KCNK13: variants seen among roughly 807,000 people sequenced by gnomAD.
The protein encoded by KCNK13 is potassium two pore domain channel subfamily K member 13.
A neutral mutation model predicts 23.4 loss-of-function variants in KCNK13; 12 were observed. The observed-to-expected ratio is 0.51, with a 90% CI of 0.33 to 0.83. KCNK13 has a LOEUF of 0.83. Ranked by LOEUF, KCNK13 falls within the 40% of genes least tolerant of loss-of-function variation. The pLI is 0.02. For missense variants in KCNK13, 463 were observed against 556.3 expected, an observed-to-expected ratio of 0.83 and a Z score of 1.69; for synonymous variants, 231 against 229.5, an observed-to-expected ratio of 1.01 and a Z score of -0.06.
chr14:90,157,291 A>T (rs185481289), intron 1 of KCNK13, among the ~76,000 whole-genome samples: 108 of 152,348 alleles, frequency 7.1e-4, no homozygotes, highest in African/African-American at 2.5e-3. Flanking sequence ...TTCATTCTGG[A>T]TAAAAATCTG....
chr14:90,082,283 T>A (rs112179904), intron 1 of KCNK13, among the ~76,000 whole-genome samples: 3 of 151,714 alleles, frequency 2.0e-5, no homozygotes, highest in Admixed American at 6.6e-5. Context: ...CAGGCTGGTC[T>A]TGAACTCCTG....
chr14:90,075,570 C>T (rs1889124755), intron 1 of KCNK13, among the ~76,000 whole-genome samples: 1 of 152,174 alleles, frequency 6.6e-6, no homozygotes, highest in Admixed American at 6.5e-5. Flanking sequence ...TCTCCACCTC[C>T]CAGTTTCCAG....
chr14:90,164,170 G>T (rs979591753), intron 1 of KCNK13, among the ~76,000 whole-genome samples: 1 of 152,120 alleles, frequency 6.6e-6, no homozygotes, highest in Non-Finnish European at 1.5e-5. Flanking sequence ...CAATATTTTT[G>T]AACTTTTCCT....
At chr14:90,159,508 AGGAGG>A (rs1890229264) in intron 1 of KCNK13, among the ~76,000 whole-genome samples, 1 of 152,218 alleles carries the variant, frequency 6.6e-6, no homozygotes, top group Non-Finnish European at 1.5e-5. Flanking sequence ...TTCCAGCTGC[AGGAGG>A]GCAAAGGTGT....
intron 1 of KCNK13, among the ~76,000 whole-genome samples, chr14:90,173,399 A>G (rs1442201500): frequency 6.6e-6 from 1 of 152,174 alleles, no homozygotes; most frequent in African/African-American, 2.4e-5. Flanking sequence ...CTGAAGCTCA[A>G]ACTTTGATGA....
chr14:90,102,799 A>G (rs941644900), intron 1 of KCNK13, among the ~76,000 whole-genome samples: 1 of 152,116 alleles, frequency 6.6e-6, no homozygotes, highest in African/African-American at 2.4e-5. Context: ...AGTTCTGTTA[A>G]CATTCTGGGA....
At chr14:90,138,662 C>G (rs962745568) in intron 1 of KCNK13, among the ~76,000 whole-genome samples, 1 of 152,222 alleles carries the variant, frequency 6.6e-6, no homozygotes, top group African/African-American at 2.4e-5. Context: ...CATAGGATCT[C>G]TGAGATCTCA....
chr14:90,161,410 A>C (rs1196625941), intron 1 of KCNK13, among the ~76,000 whole-genome samples: 2 of 152,216 alleles, frequency 1.3e-5, no homozygotes, highest in Non-Finnish European at 2.9e-5. Flanking sequence ...CTGCTACTGA[A>C]CTATACATTT....
chr14:90,174,086 C>T (rs1044462997), intron 1 of KCNK13, among the ~76,000 whole-genome samples: 3 of 152,026 alleles, frequency 2.0e-5, no homozygotes, highest in African/African-American at 7.2e-5. Flanking sequence ...GCGGGCGGAT[C>T]ATGAGGTCAG....
At chr14:90,064,293 T>C (rs552127084) in intron 1 of KCNK13, among the ~76,000 whole-genome samples, 2 of 151,092 alleles carry the variant, frequency 1.3e-5, no homozygotes, top group East Asian at 3.9e-4. Flanking sequence ...GGAGATTTGA[T>C]GGCTGAATCT....
At chr14:90,089,866 G>C (rs374825940) in intron 1 of KCNK13, among the ~76,000 whole-genome samples, 1 of 152,238 alleles carries the variant, frequency 6.6e-6, no homozygotes, top group African/African-American at 2.4e-5. Flanking sequence ...GGTAGCTTCC[G>C]TGTGGTGTTG....
intron 1 of KCNK13, among the ~76,000 whole-genome samples, chr14:90,177,050 A>G (rs1281453180): frequency 6.6e-6 from 1 of 151,974 alleles, no homozygotes; most frequent in South Asian, 2.1e-4. Flanking sequence ...ACAAGAATTA[A>G]CCAGGTGTGG....
At chr14:90,092,165 G>A (rs552691179) in intron 1 of KCNK13, among the ~76,000 whole-genome samples, 1 of 152,120 alleles carries the variant, frequency 6.6e-6, no homozygotes, top group African/African-American at 2.4e-5. Flanking sequence ...CTCGTGATCT[G>A]CCCGCCTTGG....
At chr14:90,171,727 T>C (rs1263669730) in intron 1 of KCNK13, among the ~76,000 whole-genome samples, 1 of 152,202 alleles carries the variant, frequency 6.6e-6, no homozygotes, top group Non-Finnish European at 1.5e-5. Flanking sequence ...TTCTTTTGAG[T>C]TTCCGATTAG....
intron 1 of KCNK13, among the ~76,000 whole-genome samples, chr14:90,080,528 G>A (rs1275844829): frequency 6.6e-6 from 1 of 152,118 alleles, no homozygotes; most frequent in Non-Finnish European, 1.5e-5. Flanking sequence ...GTTAGGACTA[G>A]AGGTTCCAGA....
At chr14:90,092,130 G>C (rs1244208502) in intron 1 of KCNK13, among the ~76,000 whole-genome samples, 1 of 152,080 alleles carries the variant, frequency 6.6e-6, no homozygotes, top group Non-Finnish European at 1.5e-5. Context: ...CACCATGTTA[G>C]CCAGGATGGT....
intron 1 of KCNK13, among the ~76,000 whole-genome samples, chr14:90,115,661 G>A (rs1198376423): frequency 2.0e-5 from 3 of 152,122 alleles, no homozygotes; most frequent in East Asian, 3.8e-4. Flanking sequence ...TTACATAAAT[G>A]AACATGGATG....
chr14:90,087,117 CATATATATATACATATATATATAT>C (rs1403987671), intron 1 of KCNK13, among the ~76,000 whole-genome samples: 1 of 125,680 alleles, frequency 8.0e-6, no homozygotes, highest in Non-Finnish European at 1.6e-5. Flanking sequence ...TATATATATA[CATATATATATACATATATATATAT>C]ATATATATAT....
In KCNK13 at chr14:90,077,363, C is replaced by T. The variant is rs190316131; in HGVS notation, c.334+14824C>T. Among the ~76,000 whole-genome samples the T allele has an allele frequency of 3.5e-3, 527 of 152,156 alleles. 5 individuals are homozygous for T. Among genetic ancestry groups the T allele is most frequent in the African/African-American group, 0.012 (510 of 41,492 alleles). ...CTCGAACTCCTGGCCTCAGGTGATC[C>T]GCCCGCCTCGGCCTCCCAAAGTGCT... On this transcript the variant is annotated intron_variant, in intron 1 of 1. Coordinates refer to ENST00000282146, the MANE Select transcript of KCNK13 (RefSeq NM_022054.4).
Sources: gnomAD v4.1 joint callset for allele counts (sites outside exome capture counted in the v4.1 genomes callset) on GRCh38, gnomAD v4.1.1 for gene constraint, MANE v1.5 for transcripts, NCBI Gene and HGNC (gene_info 2026-07-23, HGNC 2026-07-21) for gene names.